The following PCDH8 variants were observed in gnomAD, a reference collection of about 807,000 sequenced individuals.
PCDH8 encodes the protein protocadherin 8.
PCDH8 carries 36 observed loss-of-function variants against 58.2 expected under a neutral mutation model. That is an observed-to-expected ratio of 0.62 (90% CI 0.47 to 0.82). The LOEUF (loss-of-function observed/expected upper bound fraction) is 0.82. Among genes scored for constraint, PCDH8 ranks in the 40% least tolerant of loss-of-function variants. The probability of loss-of-function intolerance (pLI) is 0.00; values close to 1 mark genes in which losing one functional copy is unlikely to be tolerated. For synonymous variants in PCDH8, 775 were observed against 728.9 expected (o/e 1.06, Z -1.02); for missense variants, 1,493 against 1,567.8 (o/e 0.95, Z 0.81).
Position 52,844,941 on chromosome 13 carries a change from G to A in PCDH8, c.2840-8C>T, listed in dbSNP as rs371976283. 2.0e-5 allele frequency: 30 copies of A among 1,511,174 alleles called. No homozygotes were observed. Among genetic ancestry groups the A allele is most frequent in the Non-Finnish European group, 2.6e-5 (29 of 1,130,480 alleles). The allele number at this position is 1,511,174 out of a possible 1,614,324, so 93.6% of individuals were successfully genotyped here. On this transcript the variant is annotated splice_polypyrimidine_tract_variant and splice_region_variant and intron_variant, in intron 2 of 2. Transcript: ENST00000377942. ...CGGTGCACGCCCACAGTCCTAATAC[G>A]AAAGGGAAAAGGAAACAGCATGACG...
chr13:52,846,461 C>T lies in PCDH8; in HGVS notation c.1976G>A (p.Arg659His), dbSNP rs1243967420. 3.1e-6 allele frequency: 5 copies of T among 1,598,908 alleles called. No homozygotes were observed. The African/African-American group carries it at 5.3e-5, about 17-fold the overall frequency. Residue 659 changes from arginine (R) to histidine (H), a missense_variant, in exon 1 of 3, where the codon CGC becomes CAC. By Grantham distance (29) the Arg-to-His change is conservative. This residue lies in a region of PCDH8 where 1,307 missense variants were observed against 1,362.7 expected (regional missense o/e 0.96). Coordinates refer to ENST00000377942, the MANE Select transcript of PCDH8 (RefSeq NM_002590.4). ...LAFELQQQEP[R>H]EAFAIGRRTG... ...GCGGCGGCCGATGGCGAAGGCTTCG[C>T]GCGGCTCCTGCTGCTGCAGCTCGAA...
rs756659737 is a variant in PCDH8, at chr13:52,848,076, C to A, written c.361G>T (p.Val121Leu). 6.2e-7 allele frequency: 1 copy of A among 1,612,704 alleles called. No homozygotes were observed. Among genetic ancestry groups the A allele is most frequent in the East Asian group, 2.2e-5 (1 of 44,856 alleles). ...TTGACGTCCCTCACCTCTACCTCCACGTGCACCAGCCGGAACTGCTCCTGC... is the reference window on the plus strand; with the variant it reads ...TTGACGTCCCTCACCTCTACCTCCAAGTGCACCAGCCGGAACTGCTCCTGC... ...FSQEQFRLVHVEVEVRDVNDH... is the reference protein window; with the variant it reads ...FSQEQFRLVHLEVEVRDVNDH... Residue 121 changes from valine (V) to leucine (L), a missense_variant, in exon 1 of 3, where the codon GTG becomes TTG. Physicochemically the swap from Val to Leu is conservative, Grantham distance 32. Coordinates refer to ENST00000377942, the MANE Select transcript of PCDH8 (RefSeq NM_002590.4).
At chr13:52,845,777 G>C (rs767835988) in intron 1 of PCDH8, 29 bp downstream of exon 1, 44 of 1,496,994 alleles carry the variant, frequency 2.9e-5, no homozygotes, top group South Asian at 1.4e-4. Flanking sequence ...GAGCTCGGAG[G>C]GGGGCGCCCA....
Position 52,847,408 on chromosome 13 carries a change from G to A in PCDH8, c.1029C>T (p.Arg343=). The A allele has an allele frequency of 6.4e-7, 1 of 1,572,282 alleles. No individual in the cohort carries two copies. The highest frequency in any genetic ancestry group is 8.6e-7 in the Non-Finnish European group (1 of 1,166,932). Residue 343 remains arginine, a synonymous_variant, in exon 1 of 3, where the codon CGC becomes CGT. Transcript: ENST00000377942. ...PRAATCKVIV[R]IRDVNDNAPD... ...GTGCGTTGTCATTGACGTCTCGGAT[G>A]CGCACGATGACCTTGCAGGTGGCAG...
Sources: allele counts gnomAD v4.1 joint callset, GRCh38; gene constraint gnomAD v4.1.1; regional missense constraint gnomAD v4.1.1; transcripts MANE v1.5; gene names NCBI Gene and HGNC (gene_info 2026-07-23, HGNC 2026-07-21).